Variants in ARHGEF28 observed in about 807,000 individuals in gnomAD.
The protein encoded by ARHGEF28 is Rho guanine nucleotide exchange factor 28.
In ARHGEF28, 152 loss-of-function variants were observed where a neutral mutation model predicts 206.6. That is an observed-to-expected ratio of 0.74 (90% CI 0.64 to 0.84). The LOEUF (loss-of-function observed/expected upper bound fraction) is 0.84, where lower values mean the gene tolerates loss of function less well. ARHGEF28 is among the 40% of genes least tolerant of loss of function. The pLI, the probability that ARHGEF28 is intolerant of heterozygous loss-of-function variation, is 0.00. For synonymous variants in ARHGEF28, 763 were observed against 776.4 expected (o/e 0.98, Z 0.29); for missense variants, 2,028 against 2,073.2 (o/e 0.98, Z 0.42).
In ARHGEF28 at chr5:73,656,929, G is replaced by T. The variant is rs113006672; in HGVS notation, c.-11-27912G>T. Among the ~76,000 whole-genome samples the T allele has an allele frequency of 1.4e-3, 213 of 152,178 alleles. 1 individual carries two copies. The highest frequency in any genetic ancestry group is 2.2e-3 in the Non-Finnish European group (153 of 68,004). On this transcript the variant is annotated intron_variant, in intron 1 of 35. Transcript: ENST00000513042. ...CTCATGCCTGTAATCTTAGCACTTT[G>T]GGAGGCCGAGGTGGGTGGATCACGA...
chr5:73,827,354 A>G (rs1435463571), intron 9 of ARHGEF28, among the ~76,000 whole-genome samples: 1 of 152,190 alleles, frequency 6.6e-6, no homozygotes, highest in Non-Finnish European at 1.5e-5. Flanking sequence ...AATTATTTTT[A>G]AAAAGAATCA....
chr5:73,869,437 C>T (rs758519850), intron 20 of ARHGEF28, among the ~76,000 whole-genome samples: 17 of 152,142 alleles, frequency 1.1e-4, no homozygotes, highest in Non-Finnish European at 2.1e-4. Flanking sequence ...ATTCTGTAGA[C>T]ACATTATGGA....
intron 4 of ARHGEF28, among the ~76,000 whole-genome samples, chr5:73,772,934 C>T (rs552449578): frequency 5.9e-4 from 90 of 152,232 alleles, no homozygotes; most frequent in African/African-American, 1.8e-3. Flanking sequence ...AGTAAGATAG[C>T]GTTAATATGG....
At chr5:73,859,149 T>C (rs1039616303) in intron 16 of ARHGEF28, among the ~76,000 whole-genome samples, 1 of 152,214 alleles carries the variant, frequency 6.6e-6, no homozygotes, top group African/African-American at 2.4e-5. Context: ...TAACTTACTA[T>C]ACAGTTTGCA....
Position 73,656,573 on chromosome 5 carries a change from T to A in ARHGEF28, c.-11-28268T>A, listed in dbSNP as rs114122688. 5.0e-3 allele frequency among the ~76,000 whole-genome samples: 761 copies of A among 152,240 alleles called. 6 individuals carry two copies. The highest frequency in any genetic ancestry group is 0.018 in the African/African-American group (745 of 41,540). On this transcript the variant is annotated intron_variant, in intron 1 of 35. Coordinates refer to ENST00000513042, the MANE Select transcript of ARHGEF28 (RefSeq NM_001177693.2). ...TGCTACCCTCAAATCTCAGACACCA[T>A]CATCTCTTCCCTAGATTATGGCAAC...
chr5:73,923,452 A>G (rs1296227953), intron 35 of ARHGEF28, among the ~76,000 whole-genome samples: 2 of 152,214 alleles, frequency 1.3e-5, no homozygotes, highest in Non-Finnish European at 2.9e-5. Flanking sequence ...TGCTACTGGT[A>G]GAAGTTATCG....
chr5:73,922,318 T>C (rs1345594648), intron 35 of ARHGEF28, among the ~76,000 whole-genome samples: 1 of 152,230 alleles, frequency 6.6e-6, no homozygotes, highest in Non-Finnish European at 1.5e-5. Flanking sequence ...CAAGAGGCCA[T>C]ATTTTGGGGA....
intron 35 of ARHGEF28, among the ~76,000 whole-genome samples, chr5:73,920,736 G>A (rs183089594): frequency 1.7e-3 from 252 of 152,106 alleles, no homozygotes; most frequent in African/African-American, 5.8e-3. Context: ...CTCTTTACAT[G>A]AGTTATTTTT....
intron 12 of ARHGEF28, among the ~76,000 whole-genome samples, chr5:73,848,127 G>A (rs1187266837): frequency 6.6e-6 from 1 of 152,110 alleles, no homozygotes; most frequent in Non-Finnish European, 1.5e-5. Context: ...AAAATGCATG[G>A]GCAGGATCAG....
intron 1 of ARHGEF28, among the ~76,000 whole-genome samples, chr5:73,673,380 G>C (rs1327180102): frequency 1.3e-5 from 2 of 152,168 alleles, no homozygotes; most frequent in Non-Finnish European, 2.9e-5. Flanking sequence ...AATAGTTGTT[G>C]CTCTGTCCTT....
At chr5:73,684,691 A>T in intron 1 of ARHGEF28, 150 bp from the exon 2 acceptor site, 1 of 513,662 alleles carries the variant, frequency 1.9e-6, no homozygotes, top group Non-Finnish European at 3.4e-6. Flanking sequence ...ATAGCATCTT[A>T]GTCCTTTATT....
intron 4 of ARHGEF28, among the ~76,000 whole-genome samples, chr5:73,762,225 G>A (rs577880263): frequency 6.6e-6 from 1 of 151,978 alleles, no homozygotes; most frequent in African/African-American, 2.4e-5. Context: ...GGAGGCTGAG[G>A]TGGGTGGATC....
chr5:73,768,430 C>T (rs1024200436), intron 4 of ARHGEF28, among the ~76,000 whole-genome samples: 1 of 152,192 alleles, frequency 6.6e-6, no homozygotes, highest in East Asian at 1.9e-4. Flanking sequence ...GAAACCACCT[C>T]TTGCATCAGT....
At chr5:73,632,861 A>G (rs541612134) in intron 1 of ARHGEF28, among the ~76,000 whole-genome samples, 3 of 152,146 alleles carry the variant, frequency 2.0e-5, no homozygotes, top group South Asian at 2.1e-4. Flanking sequence ...CAGTCTTTCA[A>G]TGGACTTTGG....
chr5:73,737,438 CCTT>C (rs1246158461), intron 2 of ARHGEF28, among the ~76,000 whole-genome samples: 16 of 92,128 alleles, frequency 1.7e-4, no homozygotes, highest in South Asian at 1.2e-3. Flanking sequence ...GAGCCCTCTT[CCTT>C]CTTTTCTTTT....
At chr5:73,652,009 C>A (rs1473318625) in intron 1 of ARHGEF28, among the ~76,000 whole-genome samples, 1 of 152,084 alleles carries the variant, frequency 6.6e-6, no homozygotes, top group Non-Finnish European at 1.5e-5. Context: ...TTCCGTTGGG[C>A]CTCAAGTGCA....
chr5:73,783,372 G>T (rs60959403), intron 7 of ARHGEF28, among the ~76,000 whole-genome samples: 1 of 119,270 alleles, frequency 8.4e-6, no homozygotes, highest in South Asian at 3.0e-4. Flanking sequence ...GTGTGTGTGT[G>T]TGTGTGTGTG....
chr5:73,756,942 C>A (rs1042004120), intron 4 of ARHGEF28, among the ~76,000 whole-genome samples: 14 of 151,966 alleles, frequency 9.2e-5, no homozygotes, highest in Admixed American at 2.6e-4. Context: ...ACATTAATGC[C>A]CTAGATTAAC....
intron 7 of ARHGEF28, 128 bp from the exon 8 acceptor site, chr5:73,794,274 C>A: frequency 3.0e-6 from 2 of 669,074 alleles, no homozygotes; most frequent in Non-Finnish European, 5.1e-6. Context: ...TTTTAAGAGG[C>A]CTAATCTAAA....
Sources: allele counts gnomAD v4.1 joint callset (sites outside exome capture counted in the v4.1 genomes callset), GRCh38; gene constraint gnomAD v4.1.1; transcripts MANE v1.5; gene names NCBI Gene and HGNC (gene_info 2026-07-23, HGNC 2026-07-21).